Variants in AKAP19 observed in about 807,000 individuals in gnomAD.
AKAP19 encodes A-kinase anchoring protein 19.
At chr2:190,128,733 C>T in the AKAP19 span, among the ~76,000 whole-genome samples, 14 of 152,152 alleles carry the variant, frequency 9.2e-5, no homozygotes, top group Admixed American at 5.2e-4. Flanking sequence ...TGATGTAACA[C>T]GTATTATACA....
the AKAP19 span, among the ~76,000 whole-genome samples, chr2:189,900,780 A>G: frequency 6.6e-6 from 1 of 152,180 alleles, no homozygotes; most frequent in Non-Finnish European, 1.5e-5. Context: ...CAGGTTTATT[A>G]GAGAAAGTAT....
chr2:190,084,219 C>A, the AKAP19 span, among the ~76,000 whole-genome samples: 3 of 151,708 alleles, frequency 2.0e-5, no homozygotes, highest in Non-Finnish European at 4.4e-5. Flanking sequence ...CAGCCTCCCA[C>A]GTACCTGGGA....
the AKAP19 span, among the ~76,000 whole-genome samples, chr2:189,920,390 G>A: frequency 6.6e-6 from 1 of 152,106 alleles, no homozygotes; most frequent in South Asian, 2.1e-4. Flanking sequence ...GAAGAAGAAA[G>A]GAAAGTAGAG....
chr2:189,933,675 G>C, the AKAP19 span, among the ~76,000 whole-genome samples: 1 of 152,072 alleles, frequency 6.6e-6, no homozygotes, highest in Admixed American at 6.5e-5. Flanking sequence ...GAATCTCTTA[G>C]AGATGGGAGA....
the AKAP19 span, among the ~76,000 whole-genome samples, chr2:190,001,039 A>G: frequency 1.3e-5 from 2 of 152,302 alleles, no homozygotes; most frequent in South Asian, 2.1e-4. Flanking sequence ...TTCAGATTGT[A>G]TAATGTATAT....
At chr2:190,124,262 T>C in the AKAP19 span, among the ~76,000 whole-genome samples, 2 of 152,206 alleles carry the variant, frequency 1.3e-5, no homozygotes, top group Non-Finnish European at 2.9e-5. Flanking sequence ...GAGAAATGCA[T>C]TGTTAGGCAA....
chr2:190,138,551 C>A, the AKAP19 span, among the ~76,000 whole-genome samples: 1 of 152,224 alleles, frequency 6.6e-6, no homozygotes, highest in Admixed American at 6.5e-5. Flanking sequence ...CCCATGGCTG[C>A]TGAGAAGTCT....
At chr2:190,037,649 ATAAGGCTCAGC>A in the AKAP19 span, among the ~76,000 whole-genome samples, 1 of 152,230 alleles carries the variant, frequency 6.6e-6, no homozygotes, top group Non-Finnish European at 1.5e-5. Context: ...TTTGCAAGAG[ATAAGGCTCAGC>A]TAATACCCAA....
chr2:189,885,910 G>A, the AKAP19 span, among the ~76,000 whole-genome samples: 2 of 152,116 alleles, frequency 1.3e-5, no homozygotes, highest in Admixed American at 1.3e-4. Context: ...CCGGGTTCAA[G>A]CGATTCACCT....
chr2:189,998,247 C>T, the AKAP19 span, among the ~76,000 whole-genome samples: 2 of 152,112 alleles, frequency 1.3e-5, no homozygotes, highest in Non-Finnish European at 2.9e-5. Flanking sequence ...GAGCAAAAGT[C>T]CATGGTGTCA....
the AKAP19 span, among the ~76,000 whole-genome samples, chr2:190,041,015 G>A: frequency 6.6e-6 from 1 of 151,948 alleles, no homozygotes; most frequent in East Asian, 1.9e-4. Context: ...GTCTCTTTTT[G>A]GGTTCCATAT....
chr2:190,018,798 T>C, the AKAP19 span, among the ~76,000 whole-genome samples: 3 of 152,222 alleles, frequency 2.0e-5, no homozygotes, highest in Admixed American at 2.0e-4. Context: ...GAAATAGACC[T>C]TCACTGTTTC....
At chr2:189,965,954 G>A in the AKAP19 span, among the ~76,000 whole-genome samples, 1 of 148,522 alleles carries the variant, frequency 6.7e-6, no homozygotes, top group African/African-American at 2.5e-5. Flanking sequence ...ATGTATGTAT[G>A]TGTGTGTGTG....
chr2:190,108,179 CAG>C, the AKAP19 span, among the ~76,000 whole-genome samples: 1 of 152,098 alleles, frequency 6.6e-6, no homozygotes, highest in Non-Finnish European at 1.5e-5. Context: ...TTTTTTGAAA[CAG>C]AGTCTCACTC....
chr2:190,163,162 C>T, the AKAP19 span, among the ~76,000 whole-genome samples: 3 of 152,012 alleles, frequency 2.0e-5, no homozygotes, highest in Non-Finnish European at 4.4e-5. Flanking sequence ...TGGCCGGGCG[C>T]GGTGGCTCAC....
At chr2:190,051,097 A>G in the AKAP19 span, among the ~76,000 whole-genome samples, 1 of 152,200 alleles carries the variant, frequency 6.6e-6, no homozygotes, top group South Asian at 2.1e-4. Flanking sequence ...AATGACTGTG[A>G]AAAATTGTAT....
the AKAP19 span, among the ~76,000 whole-genome samples, chr2:189,954,366 CAT>C: frequency 6.6e-6 from 1 of 152,094 alleles, no homozygotes; most frequent in Admixed American, 6.5e-5. Flanking sequence ...AAGATCAGAA[CAT>C]ATGATAAGAT....
At chr2:189,887,035 G>A in the AKAP19 span, among the ~76,000 whole-genome samples, 1 of 152,002 alleles carries the variant, frequency 6.6e-6, no homozygotes, top group Non-Finnish European at 1.5e-5. Context: ...TACATGTGCA[G>A]AACATGCAGA....
chr2:189,934,478 T>C, the AKAP19 span, among the ~76,000 whole-genome samples: 1 of 151,968 alleles, frequency 6.6e-6, no homozygotes, highest in Non-Finnish European at 1.5e-5. Flanking sequence ...AAAGAGTATA[T>C]TTTAGAGGGA....
Sources: allele counts gnomAD v4.1 joint callset (sites outside exome capture counted in the v4.1 genomes callset), GRCh38; gene constraint gnomAD v4.1.1; transcripts MANE v1.5; gene names NCBI Gene and HGNC (gene_info 2026-07-23, HGNC 2026-07-21).